GRIN2A: variants seen among roughly 807,000 people sequenced by gnomAD.
GRIN2A encodes glutamate receptor ionotropic, NMDA 2A.
A neutral mutation model predicts 113.4 loss-of-function variants in GRIN2A; 22 were observed. The ratio of observed to expected loss-of-function variants is 0.19; its 90% CI spans 0.14 to 0.28. The LOEUF (loss-of-function observed/expected upper bound fraction) is 0.28, where lower values mean the gene tolerates loss of function less well. GRIN2A is among the 10% of genes least tolerant of loss of function. The probability of loss-of-function intolerance (pLI) is 1.00; values close to 1 mark genes in which losing one functional copy is unlikely to be tolerated. For missense variants in GRIN2A, 1,502 were observed against 1,887.0 expected (o/e 0.80, Z 3.78); for synonymous variants, 827 against 738.4 (o/e 1.12, Z -1.94).
At chr16:9,831,397 G>A (rs186611431) in intron 8 of GRIN2A, among the ~76,000 whole-genome samples, 235 of 151,676 alleles carry the variant, frequency 1.5e-3, no homozygotes, top group Non-Finnish European at 2.6e-3. Flanking sequence ...TGCCCTCCCC[G>A]TCCCCGCTTC....
intron 2 of GRIN2A, among the ~76,000 whole-genome samples, chr16:10,053,651 C>T (rs2047396289): frequency 6.6e-6 from 1 of 152,208 alleles, no homozygotes; most frequent in Admixed American, 6.5e-5. Context: ...GATTAGACCA[C>T]TTTGCCTAGT....
At chr16:9,975,945 C>T (rs1317963054) in intron 2 of GRIN2A, among the ~76,000 whole-genome samples, 2 of 152,134 alleles carry the variant, frequency 1.3e-5, no homozygotes, top group African/African-American at 4.8e-5. Flanking sequence ...AGGGTCAATT[C>T]ATCAGAAAGA....
chr16:10,146,369 C>T (rs975482893), intron 2 of GRIN2A, among the ~76,000 whole-genome samples: 2 of 152,276 alleles, frequency 1.3e-5, no homozygotes, highest in African/African-American at 4.8e-5. Context: ...CCGCCCACCT[C>T]GGCCTCCCAC....
chr16:9,861,762 C>T (rs2043073229), intron 4 of GRIN2A, among the ~76,000 whole-genome samples: 2 of 152,174 alleles, frequency 1.3e-5, no homozygotes, highest in Admixed American at 1.3e-4. Context: ...AGTTTCTATG[C>T]AGAAATTACT....
intron 11 of GRIN2A, among the ~76,000 whole-genome samples, chr16:9,787,061 CA>C (rs1385565240): frequency 1.3e-5 from 2 of 152,274 alleles, no homozygotes; most frequent in East Asian, 3.9e-4. Flanking sequence ...ATTTTACCTC[CA>C]AATATGTTTC....
At chr16:10,121,507 G>A (rs1039470815) in intron 2 of GRIN2A, 1 of 152,204 alleles carries the variant, frequency 6.6e-6, no homozygotes. Context: ...ATCTTTCTCT[G>A]TGTTCTTGTG....
chr16:10,009,431 G>T (rs575350101), intron 2 of GRIN2A, among the ~76,000 whole-genome samples: 215 of 152,218 alleles, frequency 1.4e-3, no homozygotes, highest in African/African-American at 3.9e-3. Context: ...GCAAAAGTAG[G>T]CAGGTGAGAG....
intron 2 of GRIN2A, among the ~76,000 whole-genome samples, chr16:9,943,776 G>A (rs1158551646): frequency 6.6e-6 from 1 of 152,120 alleles, no homozygotes; most frequent in Non-Finnish European, 1.5e-5. Context: ...TCTCATTCCT[G>A]GCTGCACATA....
At chr16:9,983,654 T>C (rs901841049) in intron 2 of GRIN2A, among the ~76,000 whole-genome samples, 5 of 152,176 alleles carry the variant, frequency 3.3e-5, no homozygotes, top group African/African-American at 7.2e-5. Context: ...TTAGCCAGGA[T>C]AGTCTCTATC....
At chr16:9,800,505 A>T (rs1447359666) in intron 10 of GRIN2A, among the ~76,000 whole-genome samples, 1 of 152,198 alleles carries the variant, frequency 6.6e-6, no homozygotes, top group Non-Finnish European at 1.5e-5. Context: ...GAGGATGTGA[A>T]ACACTGCATC....
rs1388948674 is a variant in GRIN2A at position 10,111,939 on chromosome 16, G to A, written c.414+68059C>T. On this transcript the variant is annotated intron_variant, in intron 2 of 12. Transcript: ENST00000330684. ...TGATGACGCCAAGGATCAAGCTGAT[G>A]GTGGCTCCAGCAGGCATGACATTGA... The A allele has an allele frequency of 8.3e-5, 62 of 745,216 alleles. No homozygotes were observed. In the Admixed American group the frequency reaches 1.1e-3, roughly 13 times the overall value. The allele number at this position is 745,216 out of a possible 1,614,324, so 46.2% of individuals were successfully genotyped here.
At chr16:10,090,970 A>C (rs753677085) in intron 2 of GRIN2A, among the ~76,000 whole-genome samples, 5 of 152,320 alleles carry the variant, frequency 3.3e-5, no homozygotes, top group African/African-American at 1.2e-4. Flanking sequence ...TATGGAAATG[A>C]ACATTAAAAC....
At chr16:10,097,922 A>G (rs1350196995) in intron 2 of GRIN2A, among the ~76,000 whole-genome samples, 1 of 152,186 alleles carries the variant, frequency 6.6e-6, no homozygotes, top group African/African-American at 2.4e-5. Flanking sequence ...CAAATGCAAC[A>G]AAAACAAAGA....
At chr16:10,152,500 T>A (rs2049602408) in intron 2 of GRIN2A, among the ~76,000 whole-genome samples, 1 of 152,134 alleles carries the variant, frequency 6.6e-6, no homozygotes, top group Non-Finnish European at 1.5e-5. Context: ...ATCCACTGAG[T>A]CCAGTCCGTT....
chr16:9,961,627 T>C (rs954355940), intron 2 of GRIN2A, among the ~76,000 whole-genome samples: 2 of 152,228 alleles, frequency 1.3e-5, no homozygotes, highest in African/African-American at 4.8e-5. Flanking sequence ...AATGTATCTA[T>C]GTAATAAAAC....
intron 10 of GRIN2A, among the ~76,000 whole-genome samples, chr16:9,806,811 C>T (rs559753303): frequency 2.4e-4 from 36 of 151,922 alleles, no homozygotes; most frequent in Middle Eastern, 3.4e-3. Context: ...AAGAAGGTAA[C>T]GGGGAAGGAG....
At chr16:9,895,190 G>A (rs1186800575) in intron 3 of GRIN2A, among the ~76,000 whole-genome samples, 2 of 152,210 alleles carry the variant, frequency 1.3e-5, no homozygotes, top group Admixed American at 6.5e-5. Flanking sequence ...TTGTTGGAAA[G>A]CATAAGAGAA....
intron 11 of GRIN2A, among the ~76,000 whole-genome samples, chr16:9,782,843 G>T (rs1902011471): frequency 6.6e-6 from 1 of 152,140 alleles, no homozygotes; most frequent in African/African-American, 2.4e-5. Flanking sequence ...AATAAGTACT[G>T]TTCCATTATT....
chr16:9,911,419 A>G (rs2044134440), intron 3 of GRIN2A, among the ~76,000 whole-genome samples: 1 of 152,234 alleles, frequency 6.6e-6, no homozygotes, highest in African/African-American at 2.4e-5. Flanking sequence ...CCTTAAATTT[A>G]TATGCTAACT....
Sources: gnomAD v4.1 joint callset for allele counts (sites outside exome capture counted in the v4.1 genomes callset) on GRCh38, gnomAD v4.1.1 for gene constraint, MANE v1.5 for transcripts, NCBI Gene and HGNC (gene_info 2026-07-23, HGNC 2026-07-21) for gene names.